The following KLK13 variants were observed in gnomAD, a reference collection of about 807,000 sequenced individuals.
KLK13 encodes kallikrein related peptidase 13, also known as kallikrein-13.
A neutral mutation model predicts 22.4 loss-of-function variants in KLK13; 19 were observed. The ratio of observed to expected loss-of-function variants is 0.85; its 90% CI spans 0.59 to 1.24. The LOEUF is 1.24. Among genes scored for constraint, KLK13 ranks in the 50% most tolerant of loss-of-function variants. The pLI, the probability that KLK13 is intolerant of heterozygous loss-of-function variation, is 0.00. For synonymous variants in KLK13, 156 were observed against 141.8 expected (o/e 1.10, Z -0.71); for missense variants, 311 against 347.9 (o/e 0.89, Z 0.84).
At chr19:51,058,795 G>T (rs2122686598) in intron 3 of KLK13, 121 bp from the exon 4 acceptor site, 9 of 982,442 alleles carry the variant, frequency 9.2e-6, no homozygotes, top group East Asian at 4.8e-5. Context: ...AGAGAAAGAT[G>T]GGAGAAGAGA....
chr19:51,063,919 G>A (rs2736431), intron 1 of KLK13: 181,447 of 447,540 alleles, frequency 0.41, 38,170 homozygotes, highest in African/African-American at 0.54. Flanking sequence ...TAACATCTGC[G>A]TCTGTCCCCG....
At chr19:51,062,290 A>G (rs1031439072) in intron 1 of KLK13, among the ~76,000 whole-genome samples, 4 of 152,068 alleles carry the variant, frequency 2.6e-5, no homozygotes, top group Non-Finnish European at 4.4e-5. Flanking sequence ...GGTCAGCTCA[A>G]ATGTCTCCTC....
At position 51,060,415 on chromosome 19, in the gene KLK13, C is replaced by T. The variant is rs771425175; in HGVS notation, c.239+18G>A. The T allele has an allele frequency of 1.4e-5, 22 of 1,551,860 alleles. No individual in the cohort carries two copies. Among genetic ancestry groups the T allele is most frequent in the Non-Finnish European group, 1.7e-5 (19 of 1,146,012 alleles). On this transcript the variant is annotated intron_variant, in intron 2 of 4. Transcript: ENST00000595793. ...CCCATTCTCATCCCTACCCCATGCT[C>T]CCCCGGCCCCCACATACTCCTTTAG...
chr19:51,056,209 CAA>C lies in KLK13; in HGVS notation c.*376_*377del. The C allele has an allele frequency of 5.2e-6, 1 of 192,508 alleles. No homozygotes were observed. Among genetic ancestry groups the C allele is most frequent in the Admixed American group, 5.7e-5 (1 of 17,494 alleles). The allele number at this position is 192,508 out of a possible 1,614,324, so 11.9% of individuals were successfully genotyped here. A position where few individuals can be genotyped will look rare whatever the true frequency, so the allele number is the denominator to read the frequency against. On this transcript the variant is annotated 3_prime_UTR_variant, in exon 5 of 5. Coordinates refer to ENST00000595793, the MANE Select transcript of KLK13 (RefSeq NM_015596.3). ...TACTTGAAGAGTTAGAGGATGTTGT[CAA>C]GGATGGTCCATTTATAGGACATATA...
At chr19:51,065,166 C>G, upstream of KLK13, 1 of 810,008 alleles carries the variant, frequency 1.2e-6, no homozygotes, top group Non-Finnish European at 1.9e-6. Flanking sequence ...TCTGAAACCT[C>G]TCTGCTCCTG....
rs867569410 is a variant in KLK13 at position 51,065,055 on chromosome 19, C to A, written c.13G>T (p.Ala5Ser). The change falls in exon 1 of 5, where the codon GCC becomes TCC. Residue 5 changes from alanine to serine, a missense_variant. By Grantham distance (99) the Ala-to-Ser change is moderately conservative (BLOSUM62 1). Transcript: ENST00000595793. Reference sequence around the variant, plus strand: ...AAGGTCAGGGAGGCGATCACTAGGGCCAGGGGCCACATGGCTCCGGGATCG... The same window carrying A: ...AAGGTCAGGGAGGCGATCACTAGGGACAGGGGCCACATGGCTCCGGGATCG... Reference protein sequence around the residue: MWPLALVIASLTLAL... With the variant: MWPLSLVIASLTLAL... 1 of 1,547,732 alleles carries A rather than the reference C, an allele frequency of 6.5e-7. No individual in the cohort carries two copies. The highest frequency in any genetic ancestry group is 8.7e-7 in the Non-Finnish European group (1 of 1,145,234).
intron 1 of KLK13, chr19:51,063,848 C>T (rs1189889352): frequency 2.2e-6 from 1 of 463,390 alleles, no homozygotes; most frequent in Non-Finnish European, 4.3e-6. Context: ...GGCTTGGCTC[C>T]TTGAAGTCTT....
At chr19:51,064,499 A>G in intron 1 of KLK13, 1 of 363,730 alleles carries the variant, frequency 2.7e-6, no homozygotes, top group South Asian at 2.2e-5. Context: ...AAAAAAAAAA[A>G]AAAAAAAAAA....
Position 51,059,896 on chromosome 19 carries a change from G to T in KLK13, c.437C>A (p.Ser146Tyr), listed in dbSNP as rs2122692736. ...GCCAGGGGTTAGGCGGTTGTTGTGGGAAAGGGGCAGGGTTTGGATGTAGCC... is the reference window on the plus strand; with the variant it reads ...GCCAGGGGTTAGGCGGTTGTTGTGGTAAAGGGGCAGGGTTTGGATGTAGCC... ...LTGYIQTLPL[S>Y]HNNRLTPGTT... The change falls in exon 3 of 5, where the codon TCC (serine) becomes TAC (tyrosine). Residue 146 changes from serine to tyrosine, a missense_variant. Physicochemically the swap from Ser to Tyr is moderately radical, Grantham distance 144 (BLOSUM62 -2). Transcript: ENST00000595793. 1.2e-6 allele frequency: 2 copies of T among 1,604,184 alleles called. No individual in the cohort carries two copies. Among genetic ancestry groups the T allele is most frequent in the Non-Finnish European group, 1.7e-6 (2 of 1,174,918 alleles).
chr19:51,060,547 C>T lies in KLK13; in HGVS notation c.125G>A (p.Cys42Tyr), dbSNP rs752958713. The T allele has an allele frequency of 1.9e-6, 3 of 1,613,752 alleles. No individual in the cohort carries two copies. The African/African-American group carries it at 4.0e-5, about 22-fold the overall frequency. ...CTGCCAGGGCTGAGAGTGGGGGAAG[C>T]AGGTGTAGCCACCTGGGAGAAACCC... is the stretch of plus-strand genomic sequence containing the variant. ...TSGFLPGGYT[C>Y]FPHSQPWQAA... The change falls in exon 2 of 5, where the codon TGC becomes TAC. Residue 42 changes from cysteine (C) to tyrosine (Y), a missense_variant. By Grantham distance (194) the Cys-to-Tyr change is radical. Coordinates refer to ENST00000595793, the MANE Select transcript of KLK13 (RefSeq NM_015596.3).
chr19:51,056,783 G>A lies in KLK13; in HGVS notation c.646-8C>T, dbSNP rs780961921. ...GGGGCCCCCAGAGTCACCCTGAGTT[G>A]GGGAAAGAAAGAGAGAGAGAGGTGG... On this transcript the variant is annotated splice_polypyrimidine_tract_variant and splice_region_variant and intron_variant, in intron 4 of 4. Transcript: ENST00000595793. 6 of 1,610,930 alleles carry A rather than the reference G, an allele frequency of 3.7e-6. No homozygotes were observed. Among genetic ancestry groups the A allele is most frequent in the Admixed American group, 1.7e-5 (1 of 59,792 alleles).
chr19:51,056,715 C>G lies in KLK13; in HGVS notation c.706G>C (p.Asp236His). 3.1e-6 allele frequency: 5 copies of G among 1,614,176 alleles called. No homozygotes were observed. The highest frequency in any genetic ancestry group is 4.2e-6 in the Non-Finnish European group (5 of 1,180,024). Residue 236 changes from aspartate (D) to histidine (H), a missense_variant, in exon 5 of 5, where the codon GAC (aspartate) becomes CAC (histidine). Physicochemically the swap from Asp to His is moderately conservative, Grantham distance 81. Transcript: ENST00000595793. ...CGGTCAGGTTGCCCACATGGGAAGT[C>G]TCCCCAGGAGACGATGCCATACAGT... Reference protein sequence around the residue: ...RTLYGIVSWGDFPCGQPDRPG... With the variant: ...RTLYGIVSWGHFPCGQPDRPG...
At chr19:51,058,776 G>T in intron 3 of KLK13, 102 bp from the exon 4 acceptor site, 2 of 1,128,462 alleles carry the variant, frequency 1.8e-6, no homozygotes, top group Non-Finnish European at 2.6e-6. Flanking sequence ...ATAGAAAATT[G>T]AGATGGGAAG....
chr19:51,063,739 G>A, intron 1 of KLK13: 1 of 456,950 alleles, frequency 2.2e-6, no homozygotes, highest in Non-Finnish European at 4.4e-6. Flanking sequence ...CCAGGTGCCA[G>A]GCACCCACAG....
rs749734071 is a variant in KLK13 at position 51,055,911 on chromosome 19, A to G, written c.*676T>C. Among the ~76,000 whole-genome samples, 1 of 152,208 alleles carries G rather than the reference A, an allele frequency of 6.6e-6. No individual in the cohort carries two copies. Among genetic ancestry groups the G allele is most frequent in the Non-Finnish European group, 1.5e-5 (1 of 68,036 alleles). On this transcript the variant is annotated 3_prime_UTR_variant, in exon 5 of 5. Transcript: ENST00000595793. ...CTATAACTCTAGAGACTAGGGTGCC[A>G]TTGATTCAGAGAGGGAATGTTGGCA...
Position 51,060,242 on chromosome 19 carries a change from A to G in KLK13, c.240-149T>C, listed in dbSNP as rs553639331. ...TACATCTCCCCCATCCTCAACTTCA[A>G]TCCCATCCAAATCCCCTACTTTGAT... On this transcript the variant is annotated intron_variant, in intron 2 of 4. Transcript: ENST00000595793. The G allele has an allele frequency of 3.7e-5, 42 of 1,134,980 alleles. No homozygotes were observed. The South Asian group carries it at 4.2e-4, about 11-fold the overall frequency. 70.3% of individuals were successfully genotyped at this position (1,134,980 alleles called of 1,614,324 possible).
intron 1 of KLK13, 107 bp from the exon 2 acceptor site, chr19:51,060,726 A>AC: frequency 1.2e-6 from 1 of 834,516 alleles, no homozygotes; most frequent in Non-Finnish European, 1.9e-6. Flanking sequence ...GCCCTGGGTG[A>AC]CCAGGAACTG....
In KLK13 at chr19:51,056,233, T is replaced by A. The variant is rs1459667844; in HGVS notation, c.*354A>T. 1.2e-5 allele frequency: 3 copies of A among 244,392 alleles called. No individual in the cohort carries two copies. Among genetic ancestry groups the A allele is most frequent in the Admixed American group, 5.2e-5 (1 of 19,362 alleles). 15.1% of individuals were successfully genotyped at this position (244,392 alleles called of 1,614,324 possible). A position where few individuals can be genotyped will look rare whatever the true frequency, so the allele number is the denominator to read the frequency against. On this transcript the variant is annotated 3_prime_UTR_variant, in exon 5 of 5. Transcript: ENST00000595793. ...TCAAGGATGGTCCATTTATAGGACA[T>A]ATATTGTTGAGATGGGCTGATGGAA... is the stretch of plus-strand genomic sequence containing the variant.
chr19:51,065,481 T>A (rs755715371), upstream of KLK13, among the ~76,000 whole-genome samples: 5 of 152,088 alleles, frequency 3.3e-5, no homozygotes, highest in Non-Finnish European at 7.4e-5. Context: ...TTCGCCTCTC[T>A]CCGTCTCTGC....
Sources: gnomAD v4.1 joint callset for allele counts (sites outside exome capture counted in the v4.1 genomes callset) on GRCh38, gnomAD v4.1.1 for gene constraint, MANE v1.5 for transcripts, NCBI Gene and HGNC (gene_info 2026-07-23, HGNC 2026-07-21) for gene names.